The following PALD1 variants were observed in gnomAD, a reference collection of about 807,000 sequenced individuals.
PALD1 encodes the protein phosphatase domain containing paladin 1.
PALD1 carries 57 observed loss-of-function variants against 96.0 expected under a neutral mutation model. That is an observed-to-expected ratio of 0.59 (90% confidence interval 0.48 to 0.74). The LOEUF (loss-of-function observed/expected upper bound fraction) is 0.74. Ranked by LOEUF, PALD1 falls within the 30% of genes least tolerant of loss-of-function variation. PALD1 has a pLI of 0.00. For missense variants in PALD1, 1,063 were observed against 1,143.7 expected (o/e 0.93, Z 1.02); for synonymous variants, 464 against 473.6 (o/e 0.98, Z 0.26).
In PALD1 at chr10:70,533,971, C is replaced by T. The variant is rs747231207; in HGVS notation, c.920C>T (p.Ala307Val). ...QLRDAHGPPP[A>V]LVFSCQMGVG... ...CGTGATGCCCACGGGCCTCCCCCAG[C>T]CCTCGTCTTCAGCTGCCAGATGGGC... The change falls in exon 8 of 20, where the codon GCC (alanine) becomes GTC (valine). Residue 307 changes from alanine (A) to valine (V), a missense_variant. Ala to Val is a moderately conservative substitution (Grantham distance 64). Coordinates refer to ENST00000263563, the MANE Select transcript of PALD1 (RefSeq NM_014431.3). 6.2e-7 allele frequency: 1 copy of T among 1,613,386 alleles called. No individual in the cohort carries two copies. The highest frequency in any genetic ancestry group is 1.7e-5 in the Admixed American group (1 of 59,952).
the PALD1 span, among the ~76,000 whole-genome samples, chr10:70,465,240 C>G: frequency 1.2e-3 from 177 of 152,292 alleles, no homozygotes; most frequent in Admixed American, 4.9e-3. Context: ...TCCCAAAGTG[C>G]TGGGATTACA....
At chr10:70,459,795 T>C in the PALD1 span, among the ~76,000 whole-genome samples, 1 of 152,048 alleles carries the variant, frequency 6.6e-6, no homozygotes, top group Non-Finnish European at 1.5e-5. Flanking sequence ...CTGCCTGTCC[T>C]CCGTTCCCCC....
intron 19 of PALD1, 48 bp downstream of exon 19, chr10:70,564,567 G>A: frequency 1.9e-6 from 3 of 1,583,248 alleles, no homozygotes; most frequent in Non-Finnish European, 2.6e-6. Context: ...GGCTCCTGCA[G>A]ATGGAGCTGG....
upstream of PALD1, among the ~76,000 whole-genome samples, chr10:70,476,670 T>A (rs919938326): frequency 2.6e-5 from 4 of 152,134 alleles, no homozygotes; most frequent in Non-Finnish European, 4.4e-5. Context: ...CCTGAGAACA[T>A]CTTTGTCCTG....
chr10:70,497,008 A>G (rs190042324), intron 1 of PALD1, among the ~76,000 whole-genome samples: 28 of 103,558 alleles, frequency 2.7e-4, no homozygotes, highest in African/African-American at 7.8e-4. Context: ...CTGGAGGGCC[A>G]TATTTCCAAG....
rs114086168 is a variant in PALD1, at chr10:70,542,942, T to C, written c.2121+1408T>C. Among the ~76,000 whole-genome samples the C allele has an allele frequency of 4.5e-3, 684 of 151,974 alleles. 2 individuals carry two copies. Among genetic ancestry groups the C allele is most frequent in the African/African-American group, 0.016 (643 of 41,344 alleles). On this transcript the variant is annotated intron_variant, in intron 17 of 19. Transcript: ENST00000263563. ...ATCCTCACCAACACTTGATTTCTTT[T>C]TTCTGTTTTTTTTAGAGATGGGAGT... is the stretch of plus-strand genomic sequence containing the variant.
chr10:70,499,347 C>T (rs572838405), intron 1 of PALD1, among the ~76,000 whole-genome samples: 166 of 152,328 alleles, frequency 1.1e-3, no homozygotes, highest in Non-Finnish European at 1.9e-3. Context: ...ATGGGCCCCT[C>T]CTCCCAGCCC....
chr10:70,548,449 C>T, intron 18 of PALD1, among the ~76,000 whole-genome samples: 1 of 152,198 alleles, frequency 6.6e-6, no homozygotes, highest in East Asian at 1.9e-4. Context: ...CCCATGACCA[C>T]AGGCTAGTGT....
intron 1 of PALD1, among the ~76,000 whole-genome samples, chr10:70,487,710 A>G (rs1354936888): frequency 3.3e-5 from 5 of 152,128 alleles, no homozygotes; most frequent in African/African-American, 1.2e-4. Flanking sequence ...AAAAAAAACA[A>G]AAAAACAAAA....
the PALD1 span, among the ~76,000 whole-genome samples, chr10:70,461,475 G>C: frequency 4.6e-5 from 7 of 152,256 alleles, no homozygotes; most frequent in African/African-American, 1.7e-4. Flanking sequence ...CCCGTGCCTA[G>C]CACAGTGCCA....
chr10:70,493,799 C>T (rs1002002063), intron 1 of PALD1, among the ~76,000 whole-genome samples: 7 of 152,216 alleles, frequency 4.6e-5, no homozygotes, highest in Non-Finnish European at 7.3e-5. Context: ...CTGCTGCTAG[C>T]CCCGCCTCCA....
intron 1 of PALD1, among the ~76,000 whole-genome samples, chr10:70,514,824 C>A (rs1301648999): frequency 1.3e-5 from 2 of 152,014 alleles, no homozygotes; most frequent in African/African-American, 4.8e-5. Flanking sequence ...GCATGGGGTG[C>A]TTTGAGGTGG....
In PALD1 at chr10:70,564,454, A is replaced by G. The variant is rs774813971; in HGVS notation, c.2353A>G (p.Asn785Asp). The G allele has an allele frequency of 3.1e-6, 5 of 1,614,030 alleles. No individual in the cohort carries two copies. The Admixed American group carries it at 6.7e-5, about 22-fold the overall frequency. ...LERYVCLILF[N>D]AYLHLEKADS... is the part of the protein sequence containing the mutation. ...GCGCTATGTCTGCCTGATTCTCTTC[A>G]ACGCGTACCTCCACCTGGAGAAGGC... The change falls in exon 19 of 20, where the codon AAC becomes GAC. Residue 785 changes from asparagine (N) to aspartate (D), a missense_variant. Asn to Asp is a conservative substitution (Grantham distance 23, BLOSUM62 1). Coordinates refer to ENST00000263563, the MANE Select transcript of PALD1 (RefSeq NM_014431.3).
Position 70,541,527 on chromosome 10 carries a change from A to G in PALD1, c.2114A>G (p.Glu705Gly). The G allele has an allele frequency of 6.2e-7, 1 of 1,612,598 alleles. No individual in the cohort carries two copies. The highest frequency in any genetic ancestry group is 8.5e-7 in the Non-Finnish European group (1 of 1,179,202). Residue 705 changes from glutamate to glycine, a missense_variant, in exon 17 of 20, where the codon GAA (glutamate) becomes GGA (glycine). Physicochemically the swap from Glu to Gly is moderately conservative, Grantham distance 98. Transcript: ENST00000263563. ...SVPDAKFTKG[E>G]FQVVMKVVQL... is the part of the protein sequence containing the mutation. The stretch of plus-strand genomic sequence containing the variant: ...CCTGATGCCAAGTTCACTAAGGGTG[A>G]ATTTCAGGTGAGCATGCCCTGCGGG...
At chr10:70,464,074 C>A in the PALD1 span, among the ~76,000 whole-genome samples, 1 of 152,192 alleles carries the variant, frequency 6.6e-6, no homozygotes, top group African/African-American at 2.4e-5. Flanking sequence ...AAAGTTCCCT[C>A]GGGCCGCTCC....
rs1847859721 is a variant in PALD1 at position 70,566,597 on chromosome 10, G to A, written c.2435G>A (p.Gly812Asp). ...TWMQEVASKA[G>D]IYEILNELGF... Reference sequence around the variant, plus strand: ...TCCTCCCAGGTGGCATCGAAGGCTGGCATCTACGAGATCCTTAACGAGCTG... The same window carrying A: ...TCCTCCCAGGTGGCATCGAAGGCTGACATCTACGAGATCCTTAACGAGCTG... The change falls in exon 20 of 20, where the codon GGC (glycine) becomes GAC (aspartate). Residue 812 changes from glycine (G) to aspartate (D), a missense_variant. Coordinates refer to ENST00000263563, the MANE Select transcript of PALD1 (RefSeq NM_014431.3). 1.2e-6 allele frequency: 2 copies of A among 1,610,448 alleles called. No individual in the cohort carries two copies. The highest frequency in any genetic ancestry group is 1.7e-6 in the Non-Finnish European group (2 of 1,178,710).
At chr10:70,520,270 G>A (rs941402736) in intron 1 of PALD1, among the ~76,000 whole-genome samples, 1 of 151,580 alleles carries the variant, frequency 6.6e-6, no homozygotes, top group South Asian at 2.1e-4. Flanking sequence ...TTGACATGCT[G>A]GGAGGTTGTG....
intron 19 of PALD1, among the ~76,000 whole-genome samples, chr10:70,565,334 C>T (rs1589224018): frequency 6.6e-6 from 1 of 152,350 alleles, no homozygotes; most frequent in East Asian, 1.9e-4. Context: ...GTTTTAGAGG[C>T]AGAGCTGCCA....
chr10:70,521,378 C>T (rs554836961), intron 1 of PALD1, among the ~76,000 whole-genome samples: 2 of 152,212 alleles, frequency 1.3e-5, no homozygotes, highest in East Asian at 3.9e-4. Flanking sequence ...AGGCCTCATC[C>T]TTATAGGGTT....
Sources: allele counts gnomAD v4.1 joint callset (sites outside exome capture counted in the v4.1 genomes callset), GRCh38; gene constraint gnomAD v4.1.1; transcripts MANE v1.5; gene names NCBI Gene and HGNC (gene_info 2026-07-23, HGNC 2026-07-21).